Variants in CKAP5 observed in about 807,000 individuals in gnomAD.
CKAP5 encodes the protein cytoskeleton-associated protein 5.
Under a neutral mutation model 232.8 loss-of-function variants are expected in CKAP5, and 27 were observed. The observed-to-expected ratio is 0.12, with a 90% CI of 0.09 to 0.16. The LOEUF (loss-of-function observed/expected upper bound fraction) is 0.16, where lower values mean the gene tolerates loss of function less well. Ranked by LOEUF, CKAP5 falls within the 10% of genes least tolerant of loss-of-function variation. The pLI is 1.00. For synonymous variants in CKAP5, 785 were observed against 841.1 expected (o/e 0.93, Z 1.16); for missense variants, 1,838 against 2,424.7 (o/e 0.76, Z 5.08).
At chr11:46,764,826 G>A (rs1241381362) in intron 28 of CKAP5, among the ~76,000 whole-genome samples, 2 of 128,190 alleles carry the variant, frequency 1.6e-5, no homozygotes, top group Non-Finnish European at 3.3e-5. Flanking sequence ...TGCCTTGTAA[G>A]GTCTTAAAAA....
intron 28 of CKAP5, among the ~76,000 whole-genome samples, chr11:46,764,388 G>A (rs1021561679): frequency 6.6e-6 from 1 of 152,056 alleles, no homozygotes; most frequent in African/African-American, 2.4e-5. Flanking sequence ...CAACATAGTG[G>A]GCGAAGGATA....
At chr11:46,791,191 A>C (rs902266670) in intron 13 of CKAP5, among the ~76,000 whole-genome samples, 1 of 152,112 alleles carries the variant, frequency 6.6e-6, no homozygotes, top group African/African-American at 2.4e-5. Flanking sequence ...CTACATTTAC[A>C]AATTAATTTG....
Position 46,751,500 on chromosome 11 carries a change from G to T in CKAP5, c.5168C>A (p.Thr1723Asn). ...TCTGTCTAGGTTAATGCTATTGATG[G>T]TATCAGGCAACAGTCGAACCATTCT... ...LWRMVRLLPD[T>N]INSINLDRIL... The change falls in exon 39 of 44, where the codon ACC becomes AAC. Residue 1723 changes from threonine (T) to asparagine (N), a missense_variant. This residue lies in a region of CKAP5 where 579 missense variants were observed against 843.2 expected (regional missense o/e 0.69). Coordinates refer to ENST00000529230, the MANE Select transcript of CKAP5 (RefSeq NM_001008938.4). The T allele has an allele frequency of 3.7e-6, 6 of 1,613,446 alleles. No individual in the cohort carries two copies. Among genetic ancestry groups the T allele is most frequent in the Non-Finnish European group, 4.2e-6 (5 of 1,179,782 alleles).
At chr11:46,793,831 C>T (rs1234502965) in intron 13 of CKAP5, among the ~76,000 whole-genome samples, 1 of 151,964 alleles carries the variant, frequency 6.6e-6, no homozygotes, top group Non-Finnish European at 1.5e-5. Context: ...GGCTGAGAAT[C>T]GCTTGAGGAG....
At chr11:46,829,725 G>C (rs185340224) in intron 1 of CKAP5, among the ~76,000 whole-genome samples, 21 of 152,246 alleles carry the variant, frequency 1.4e-4, no homozygotes, top group Admixed American at 1.2e-3. Flanking sequence ...CTGCACAGGG[G>C]GATCCCTAAC....
rs1480247644 is a variant in CKAP5, at chr11:46,821,046, A to C, written c.57+129T>G. The C allele has an allele frequency of 1.3e-5, 7 of 557,674 alleles. No homozygotes were observed. In the African/African-American group the frequency reaches 1.4e-4, roughly 11 times the overall value. The allele number at this position is 557,674 out of a possible 1,614,324, so 34.5% of individuals were successfully genotyped here. ...AACCTATTTTCAATGAGAAAAAATAACATATCTAACAAGGCATCAGTATTT... is the reference window on the plus strand; with the variant it reads ...AACCTATTTTCAATGAGAAAAAATACCATATCTAACAAGGCATCAGTATTT... On this transcript the variant is annotated intron_variant, in intron 2 of 43. Transcript: ENST00000529230.
chr11:46,837,108 A>G (rs1939935551), intron 1 of CKAP5, among the ~76,000 whole-genome samples: 1 of 152,238 alleles, frequency 6.6e-6, no homozygotes, highest in African/African-American at 2.4e-5. Context: ...TCTAGTTGAT[A>G]AAGTTTTTTT....
chr11:46,798,682 A>T (rs1938953690), intron 9 of CKAP5, among the ~76,000 whole-genome samples: 1 of 152,016 alleles, frequency 6.6e-6, no homozygotes, highest in African/African-American at 2.4e-5. Context: ...TGGTTGCTAG[A>T]GTCAAGGGCA....
chr11:46,762,815 A>G, intron 30 of CKAP5, 53 bp from the exon 31 acceptor site: 1 of 1,570,748 alleles, frequency 6.4e-7, no homozygotes. Context: ...AGTAGCAATG[A>G]TTCTCCCATG....
chr11:46,811,478 C>CA (rs2134674395), intron 4 of CKAP5, among the ~76,000 whole-genome samples: 1 of 151,302 alleles, frequency 6.6e-6, no homozygotes, highest in South Asian at 2.1e-4. Flanking sequence ...GTTTAATACC[C>CA]TTTTTTTTTC....
At chr11:46,751,748 T>C (rs932527069) in intron 38 of CKAP5, among the ~76,000 whole-genome samples, 2 of 152,156 alleles carry the variant, frequency 1.3e-5, no homozygotes, top group African/African-American at 4.8e-5. Context: ...ATTCATCTAA[T>C]CATCCATCTC....
intron 1 of CKAP5, among the ~76,000 whole-genome samples, chr11:46,838,662 G>A (rs1006806017): frequency 1.4e-5 from 2 of 145,174 alleles, no homozygotes; most frequent in African/African-American, 2.6e-5. Context: ...CGGGTGTGGT[G>A]GCACTCGCCT....
rs761098453 is a variant in CKAP5 at position 46,760,625 on chromosome 11, A to T, written c.4381T>A (p.Ser1461Thr). ...MLRKGPAEDM[S>T]SKLNQARSMS... The stretch of plus-strand genomic sequence containing the variant: ...CTATCTACATACTTGAGTTTGGAAG[A>T]CATGTCCTCAGCTGGTCCCTTGCGT... The change falls in exon 33 of 44, where the codon TCT (serine) becomes ACT (threonine). Residue 1461 changes from serine (S) to threonine (T), a missense_variant. By Grantham distance (58) the Ser-to-Thr change is moderately conservative (BLOSUM62 1). Coordinates refer to ENST00000529230, the MANE Select transcript of CKAP5 (RefSeq NM_001008938.4). The T allele has an allele frequency of 6.2e-7, 1 of 1,614,182 alleles. No individual in the cohort carries two copies. The highest frequency in any genetic ancestry group is 8.5e-7 in the Non-Finnish European group (1 of 1,180,010).
chr11:46,785,522 GTTTCACCA>G (rs1195980070), intron 16 of CKAP5, among the ~76,000 whole-genome samples: 1 of 152,130 alleles, frequency 6.6e-6, no homozygotes, highest in East Asian at 1.9e-4. Flanking sequence ...TAGAGATGAG[GTTTCACCA>G]TGTTGGCCGG....
At chr11:46,834,519 C>CAA (rs35792132) in intron 1 of CKAP5, among the ~76,000 whole-genome samples, 544 of 50,800 alleles carry the variant, frequency 0.011, 1 homozygote, top group African/African-American at 0.019. Context: ...AACTCCATCT[C>CAA]AAAAAAAAAA....
At position 46,758,915 on chromosome 11, in the gene CKAP5, C is replaced by T. The variant is rs1457950842; in HGVS notation, c.4689+8G>A. The T allele has an allele frequency of 4.3e-6, 7 of 1,613,478 alleles. No homozygotes were observed. Among genetic ancestry groups the T allele is most frequent in the Non-Finnish European group, 5.9e-6 (7 of 1,179,810 alleles). On this transcript the variant is annotated splice_region_variant and intron_variant, in intron 35 of 43. Coordinates refer to ENST00000529230, the MANE Select transcript of CKAP5 (RefSeq NM_001008938.4). ...ATGGAATCCCTGTCACGGGAGCACACCCATTACCTGTGTCAGAGCTTGGAT... is the reference window on the plus strand; with the variant it reads ...ATGGAATCCCTGTCACGGGAGCACATCCATTACCTGTGTCAGAGCTTGGAT...
chr11:46,845,056 G>A (rs1208607125), intron 1 of CKAP5, among the ~76,000 whole-genome samples: 1 of 152,128 alleles, frequency 6.6e-6, no homozygotes, highest in Non-Finnish European at 1.5e-5. Context: ...ATTAAATTTG[G>A]TAAAAGCATT....
intron 8 of CKAP5, among the ~76,000 whole-genome samples, chr11:46,803,236 C>G (rs966259425): frequency 6.6e-5 from 10 of 151,952 alleles, no homozygotes; most frequent in Non-Finnish European, 1.2e-4. Flanking sequence ...TGCACTCCAG[C>G]TTGGGTGACA....
intron 12 of CKAP5, among the ~76,000 whole-genome samples, chr11:46,796,176 A>AC (rs1254002894): frequency 6.6e-6 from 1 of 151,954 alleles, no homozygotes; most frequent in Non-Finnish European, 1.5e-5. Flanking sequence ...AAAAAAAAAA[A>AC]AAAAAAAAAA....
Sources: gnomAD v4.1 joint callset for allele counts (sites outside exome capture counted in the v4.1 genomes callset) on GRCh38, gnomAD v4.1.1 for gene constraint, gnomAD v4.1.1 regional missense constraint, MANE v1.5 for transcripts, NCBI Gene and HGNC (gene_info 2026-07-23, HGNC 2026-07-21) for gene names.